Variants in MAGI1 observed in about 807,000 individuals in gnomAD.
The protein encoded by MAGI1 is membrane-associated guanylate kinase, WW and PDZ domain-containing protein 1.
Under a neutral mutation model 139.9 loss-of-function variants are expected in MAGI1, and 58 were observed. That is an observed-to-expected ratio of 0.41 (90% CI 0.34 to 0.52). MAGI1 has a LOEUF of 0.52. Ranked by LOEUF, MAGI1 falls within the 20% of genes least tolerant of loss-of-function variation. The pLI, the probability that MAGI1 is intolerant of heterozygous loss-of-function variation, is 0.12. For missense variants in MAGI1, 1,874 were observed against 1,901.6 expected (o/e 0.99, Z 0.27); for synonymous variants, 812 against 737.9 (o/e 1.10, Z -1.63).
intron 2 of MAGI1, among the ~76,000 whole-genome samples, chr3:65,557,586 A>G (rs746631662): frequency 2.0e-5 from 3 of 152,226 alleles, no homozygotes; most frequent in Non-Finnish European, 4.4e-5. Context: ...TAGATAATGA[A>G]TATGCTTGGT....
chr3:65,588,843 A>G (rs1192652622), intron 2 of MAGI1, among the ~76,000 whole-genome samples: 4 of 152,208 alleles, frequency 2.6e-5, no homozygotes, highest in Non-Finnish European at 5.9e-5. Context: ...GAGTCAGGAT[A>G]AGTTTGCCTG....
intron 5 of MAGI1, among the ~76,000 whole-genome samples, chr3:65,457,138 CT>C (rs1468791380): frequency 6.6e-6 from 1 of 152,082 alleles, no homozygotes; most frequent in Non-Finnish European, 1.5e-5. Context: ...TTGGGGAGCA[CT>C]GACATCTCTA....
chr3:65,765,879 G>A (rs1577046653), intron 1 of MAGI1, among the ~76,000 whole-genome samples: 1 of 152,114 alleles, frequency 6.6e-6, no homozygotes, highest in Non-Finnish European at 1.5e-5. Context: ...GTCACTTTCT[G>A]CAATATCTGC....
At chr3:65,659,763 A>T (rs2086088660) in intron 1 of MAGI1, among the ~76,000 whole-genome samples, 1 of 152,282 alleles carries the variant, frequency 6.6e-6, no homozygotes, top group Non-Finnish European at 1.5e-5. Flanking sequence ...AAGAGCCTGG[A>T]TATCAGCTGG....
chr3:65,870,643 TG>T lies in MAGI1; in HGVS notation c.313+167352del, dbSNP rs572051457. On this transcript the variant is annotated intron_variant, in intron 1 of 22. Transcript: ENST00000402939. ...AGAGAAAGACAGGAGAGAGGCAGGG[TG>T]GGGGGGGTAGGAAAGAGGGTAGAGA... Among the ~76,000 whole-genome samples, 642 of 74,376 alleles carry T rather than the reference TG, an allele frequency of 8.6e-3. 4 individuals are homozygous for T. Among genetic ancestry groups the T allele is most frequent in the African/African-American group, 0.026 (502 of 19,316 alleles). The allele number at this position is 74,376 out of a possible 152,430, so 48.8% of individuals were successfully genotyped here.
At chr3:65,498,278 TA>T (rs1475229519) in intron 2 of MAGI1, among the ~76,000 whole-genome samples, 3 of 116,180 alleles carry the variant, frequency 2.6e-5, no homozygotes, top group African/African-American at 5.7e-5. Flanking sequence ...CGTACTAATA[TA>T]AAAAAAAAGA....
chr3:66,002,977 T>A (rs11916026), intron 1 of MAGI1, among the ~76,000 whole-genome samples: 83,587 of 151,998 alleles, frequency 0.55, 23,477 homozygotes, highest in East Asian at 0.7. Flanking sequence ...GAGCTGGAAT[T>A]AACAACAACC....
chr3:65,609,843 T>C (rs374564087), intron 2 of MAGI1: 1 of 260,552 alleles, frequency 3.8e-6, no homozygotes, highest in Non-Finnish European at 8.1e-6. Context: ...TCCCAAAGTG[T>C]TGGGATTATA....
At position 65,866,923 on chromosome 3, in the gene MAGI1, G is replaced by A. The variant is rs2059749940; in HGVS notation, c.313+171073C>T. ...GGTGGAGACTGTGGTCAATCAGCTG[G>A]ACTGCTGCTGGCTGTCCCGGACAGG... is the stretch of plus-strand genomic sequence containing the variant. On this transcript the variant is annotated intron_variant, in intron 1 of 22. Transcript: ENST00000402939. Among the ~76,000 whole-genome samples the A allele has an allele frequency of 3.3e-5, 5 of 152,252 alleles. No individual in the cohort carries two copies. The South Asian group carries it at 1.0e-3, about 32-fold the overall frequency.
chr3:65,547,005 A>G (rs1224272821), intron 2 of MAGI1, among the ~76,000 whole-genome samples: 4 of 152,234 alleles, frequency 2.6e-5, no homozygotes, highest in Non-Finnish European at 5.9e-5. Flanking sequence ...GTAAGCTAAC[A>G]TTCATAGAAG....
chr3:65,625,064 C>T (rs1228038390), intron 1 of MAGI1, among the ~76,000 whole-genome samples: 2 of 152,020 alleles, frequency 1.3e-5, no homozygotes, highest in Non-Finnish European at 2.9e-5. Flanking sequence ...GTAGAGATGG[C>T]GTTTTACCAT....
intron 2 of MAGI1, among the ~76,000 whole-genome samples, chr3:65,568,080 G>C (rs551013301): frequency 6.6e-6 from 1 of 152,032 alleles, no homozygotes; most frequent in African/African-American, 2.4e-5. Flanking sequence ...TCTATTTACC[G>C]GGTAAAGGAC....
chr3:65,481,579 G>A (rs529072272), intron 3 of MAGI1, among the ~76,000 whole-genome samples: 32 of 152,212 alleles, frequency 2.1e-4, no homozygotes, highest in African/African-American at 7.2e-4. Flanking sequence ...TTAAATTAAG[G>A]CCAATGTCTA....
At chr3:65,891,908 A>T (rs71306787) in intron 1 of MAGI1, among the ~76,000 whole-genome samples, 1 of 76,360 alleles carries the variant, frequency 1.3e-5, no homozygotes, top group East Asian at 4.2e-4. Context: ...ATATATATAT[A>T]TATATATATA....
intron 2 of MAGI1, among the ~76,000 whole-genome samples, chr3:65,609,122 C>G (rs181724245): frequency 4.6e-5 from 7 of 152,244 alleles, no homozygotes; most frequent in African/African-American, 1.7e-4. Flanking sequence ...CACAAGGGAG[C>G]TGCTGAAAAC....
At chr3:65,627,864 G>T (rs1352438391) in intron 1 of MAGI1, among the ~76,000 whole-genome samples, 1 of 152,058 alleles carries the variant, frequency 6.6e-6, no homozygotes, top group African/African-American at 2.4e-5. Flanking sequence ...TTACAGCAAT[G>T]TAACTCTGCT....
intron 1 of MAGI1, among the ~76,000 whole-genome samples, chr3:65,807,042 T>C (rs1162133104): frequency 6.6e-6 from 1 of 152,362 alleles, no homozygotes; most frequent in East Asian, 1.9e-4. Flanking sequence ...ATATACACTT[T>C]CTTCTGTAAG....
intron 2 of MAGI1, among the ~76,000 whole-genome samples, chr3:65,592,926 C>T (rs571440606): frequency 6.6e-6 from 1 of 152,110 alleles, no homozygotes; most frequent in Non-Finnish European, 1.5e-5. Context: ...GGTTCTAATA[C>T]AAGCTACAGG....
At chr3:65,940,331 T>C (rs13074333) in intron 1 of MAGI1, among the ~76,000 whole-genome samples, 1 of 152,114 alleles carries the variant, frequency 6.6e-6, no homozygotes, top group African/African-American at 2.4e-5. Flanking sequence ...GAGTCACTTA[T>C]AAATAACAGA....
Sources: gnomAD v4.1 joint callset for allele counts (sites outside exome capture counted in the v4.1 genomes callset) on GRCh38, gnomAD v4.1.1 for gene constraint, MANE v1.5 for transcripts, NCBI Gene and HGNC (gene_info 2026-07-23, HGNC 2026-07-21) for gene names.